The following NLGN1 variants were observed in gnomAD, a reference collection of about 807,000 sequenced individuals.
The protein encoded by NLGN1 is neuroligin-1.
A neutral mutation model predicts 65.5 loss-of-function variants in NLGN1; 12 were observed. The ratio of observed to expected loss-of-function variants is 0.18; its 90% CI spans 0.12 to 0.30. The LOEUF (loss-of-function observed/expected upper bound fraction) is 0.30. Among genes scored for constraint, NLGN1 ranks in the 10% least tolerant of loss-of-function variants. The pLI is 1.00. For missense variants in NLGN1, 750 were observed against 1,007.1 expected (o/e 0.74, Z 3.46); for synonymous variants, 350 against 359.5 (o/e 0.97, Z 0.30).
chr3:173,912,429 A>G (rs1238013330), intron 4 of NLGN1: 2 of 152,094 alleles, frequency 1.3e-5, no homozygotes, highest in Admixed American at 6.6e-5. Flanking sequence ...TTTTTCCTCT[A>G]TGAGCTTCGA....
intron 4 of NLGN1, among the ~76,000 whole-genome samples, chr3:174,140,872 A>T (rs1398127195): frequency 6.6e-6 from 1 of 152,164 alleles, no homozygotes; most frequent in Admixed American, 6.6e-5. Flanking sequence ...ATAATTTTGT[A>T]TAACTCTATG....
chr3:174,207,072 G>A (rs1252353954), intron 4 of NLGN1, among the ~76,000 whole-genome samples: 1 of 152,056 alleles, frequency 6.6e-6, no homozygotes, highest in Non-Finnish European at 1.5e-5. Context: ...TTGACTTGTG[G>A]GAGAAGTGAA....
At chr3:173,592,307 A>G (rs1748650935) in intron 2 of NLGN1, among the ~76,000 whole-genome samples, 1 of 152,202 alleles carries the variant, frequency 6.6e-6, no homozygotes, top group South Asian at 2.1e-4. Flanking sequence ...GCTGTCTAAT[A>G]TTTCGCCATT....
At chr3:173,462,445 T>C (rs1723563717) in intron 2 of NLGN1, among the ~76,000 whole-genome samples, 2 of 152,184 alleles carry the variant, frequency 1.3e-5, no homozygotes, top group Non-Finnish European at 2.9e-5. Flanking sequence ...TTGTTCCTCT[T>C]GCTAATTTAT....
intron 4 of NLGN1, among the ~76,000 whole-genome samples, chr3:174,170,578 A>G (rs1257803339): frequency 1.3e-5 from 2 of 152,234 alleles, no homozygotes; most frequent in Non-Finnish European, 2.9e-5. Flanking sequence ...ATGGATGAGT[A>G]GAAAAACTGA....
chr3:174,019,837 G>T (rs1727374762), intron 4 of NLGN1, among the ~76,000 whole-genome samples: 1 of 152,204 alleles, frequency 6.6e-6, no homozygotes, highest in East Asian at 1.9e-4. Context: ...AACTGAAATA[G>T]TAATATATAA....
chr3:174,161,374 C>G (rs926889049), intron 4 of NLGN1, among the ~76,000 whole-genome samples: 1 of 151,734 alleles, frequency 6.6e-6, no homozygotes, highest in Non-Finnish European at 1.5e-5. Context: ...TTAATTCATG[C>G]TATGTGCTTG....
At chr3:174,082,789 C>T (rs1379120821) in intron 4 of NLGN1, among the ~76,000 whole-genome samples, 2 of 151,930 alleles carry the variant, frequency 1.3e-5, no homozygotes, top group African/African-American at 2.4e-5. Flanking sequence ...GGTGCAGTCT[C>T]GGCTCACCAC....
chr3:173,802,925 C>T (rs1251890488), intron 3 of NLGN1, among the ~76,000 whole-genome samples: 4 of 151,886 alleles, frequency 2.6e-5, no homozygotes, highest in Non-Finnish European at 5.9e-5. Context: ...CTGCAACCTC[C>T]GCCCTCGTGT....
intron 2 of NLGN1, among the ~76,000 whole-genome samples, chr3:173,479,098 GTGTT>G (rs1576889389): frequency 1.3e-5 from 2 of 152,072 alleles, no homozygotes; most frequent in Non-Finnish European, 2.9e-5. Flanking sequence ...AAAGATGTCT[GTGTT>G]TGTTTGTTAA....
intron 3 of NLGN1, among the ~76,000 whole-genome samples, chr3:173,758,187 T>A (rs77541826): frequency 6.6e-6 from 1 of 151,944 alleles, no homozygotes; most frequent in African/African-American, 2.4e-5. Context: ...AGAAGATGCC[T>A]GTCTGCAAGG....
chr3:173,677,289 G>T (rs1388663464), intron 3 of NLGN1, among the ~76,000 whole-genome samples: 3 of 151,970 alleles, frequency 2.0e-5, no homozygotes, highest in African/African-American at 7.2e-5. Context: ...AGGTAGTACC[G>T]TCTTGCACCT....
At chr3:173,430,111 A>G (rs1475290705) in intron 1 of NLGN1, among the ~76,000 whole-genome samples, 3 of 152,058 alleles carry the variant, frequency 2.0e-5, no homozygotes, top group Non-Finnish European at 4.4e-5. Flanking sequence ...CCTTGATCTC[A>G]CTTTTTCCAG....
At chr3:174,000,723 G>C (rs1409864139) in intron 4 of NLGN1, among the ~76,000 whole-genome samples, 2 of 152,188 alleles carry the variant, frequency 1.3e-5, no homozygotes, top group Admixed American at 1.3e-4. Flanking sequence ...GGATGGTAAA[G>C]ATGAATTCAT....
intron 4 of NLGN1, among the ~76,000 whole-genome samples, chr3:173,856,868 A>G (rs1364611755): frequency 1.3e-5 from 2 of 152,056 alleles, no homozygotes; most frequent in Non-Finnish European, 2.9e-5. Context: ...AGTACAGAAT[A>G]AACTTTAGGA....
chr3:174,195,789 G>GAAAAA (rs146808174), intron 4 of NLGN1, among the ~76,000 whole-genome samples: 4 of 151,052 alleles, frequency 2.6e-5, no homozygotes, highest in African/African-American at 9.7e-5. Context: ...GAAGTTTGGA[G>GAAAAA]AAAAAAAAAC....
At chr3:174,273,828 A>AATT (rs1277046317) in intron 4 of NLGN1, among the ~76,000 whole-genome samples, 1 of 151,710 alleles carries the variant, frequency 6.6e-6, no homozygotes, top group Non-Finnish European at 1.5e-5. Flanking sequence ...AATTTTTCAA[A>AATT]ATTATTCAGG....
intron 3 of NLGN1, among the ~76,000 whole-genome samples, chr3:173,620,250 G>A (rs2149499260): frequency 6.6e-6 from 1 of 152,242 alleles, no homozygotes; most frequent in Admixed American, 6.5e-5. Flanking sequence ...GGCAATAACT[G>A]TGGGGTAGAA....
In NLGN1 at chr3:173,962,020, A is replaced by C. The variant is rs532471540; in HGVS notation, c.646+154188A>C. ...GAAAGTGGAAAGGAGATGAAAAAAA[A>C]CAATAAGCCAAGTTTTGAAAAGTCT... On this transcript the variant is annotated intron_variant, in intron 4 of 6. Transcript: ENST00000457714. Among the ~76,000 whole-genome samples the C allele has an allele frequency of 9.9e-5, 15 of 152,282 alleles. No homozygotes were observed. The East Asian group carries it at 2.9e-3, about 29-fold the overall frequency.
Sources: allele counts gnomAD v4.1 joint callset (sites outside exome capture counted in the v4.1 genomes callset), GRCh38; gene constraint gnomAD v4.1.1; transcripts MANE v1.5; gene names NCBI Gene and HGNC (gene_info 2026-07-23, HGNC 2026-07-21).